PRAG1: variants seen among roughly 807,000 people sequenced by gnomAD.
PRAG1 encodes the protein inactive tyrosine-protein kinase PRAG1.
Under a neutral mutation model 95.6 loss-of-function variants are expected in PRAG1, and 110 were observed. That is an observed-to-expected ratio of 1.15 (90% CI 0.99 to 1.35). The LOEUF is 1.35. Ranked by LOEUF, PRAG1 falls within the 40% of genes most tolerant of loss-of-function variation. PRAG1 has a pLI of 0.00. For synonymous variants in PRAG1, 1,052 were observed against 819.4 expected (o/e 1.28, Z -4.85); for missense variants, 2,554 against 1,864.7 (o/e 1.37, Z -6.81).
Position 8,377,762 on chromosome 8 carries a change from C to G in PRAG1, c.647G>C (p.Gly216Ala), listed in dbSNP as rs376006156. 3.3e-5 allele frequency: 54 copies of G among 1,613,990 alleles called. No homozygotes were observed. The highest frequency in any genetic ancestry group is 4.5e-5 in the Non-Finnish European group (53 of 1,180,040). ...SFRQKLAAFA[G>A]TTSGCHQGPG... ...GCCCTGGTGACAGCCAGATGTGGTC[C>G]CAGCAAAGGCAGCCAGTTTCTGGCG... The change falls in exon 3 of 6, where the codon GGG becomes GCG. Residue 216 changes from glycine (G) to alanine (A), a missense_variant. Transcript: ENST00000615670.
intron 3 of PRAG1, among the ~76,000 whole-genome samples, chr8:8,372,631 C>A (rs1800247322): frequency 6.6e-6 from 1 of 152,214 alleles, no homozygotes; most frequent in African/African-American, 2.4e-5. Context: ...ATAAAATGAG[C>A]ATGGAGAGCC....
At chr8:8,369,215 A>C (rs768015704) in intron 3 of PRAG1, among the ~76,000 whole-genome samples, 2 of 151,500 alleles carry the variant, frequency 1.3e-5, no homozygotes, top group Non-Finnish European at 2.9e-5. Context: ...AAGAAAATTC[A>C]GTAATTCTCC....
At chr8:8,328,771 C>CGT (rs1212394735) in intron 4 of PRAG1, among the ~76,000 whole-genome samples, 1 of 150,214 alleles carries the variant, frequency 6.7e-6, no homozygotes, top group African/African-American at 2.5e-5. Flanking sequence ...TGCCTGCACG[C>CGT]GTGCGCACAC....
rs1226586366 is a variant in PRAG1 at position 8,318,650 on chromosome 8, T to C, written c.3725A>G (p.Glu1242Gly). ...QKKSQARLAP[E>G]IVSASQYRKF... ...GCGGTACTGGGAAGCAGACACGATC[T>C]CGGGGGCCAGCCGGGCCTGGCTCTT... Residue 1242 changes from glutamate (E) to glycine (G), a missense_variant, in exon 6 of 6, where the codon GAG (glutamate) becomes GGG (glycine). Transcript: ENST00000615670. The surrounding 1 kb of genome is among the most constrained non-coding windows in gnomAD (Gnocchi z 4.2). The C allele has an allele frequency of 1.2e-6, 2 of 1,611,936 alleles. No individual in the cohort carries two copies. The highest frequency in any genetic ancestry group is 1.3e-5 in the African/African-American group (1 of 74,746).
intron 3 of PRAG1, among the ~76,000 whole-genome samples, chr8:8,341,200 A>G (rs1403775247): frequency 2.0e-5 from 3 of 152,126 alleles, no homozygotes; most frequent in Admixed American, 6.5e-5. Context: ...TAAGGGAGAA[A>G]CTACAGCACC....
chr8:8,323,365 C>T (rs1465417166), intron 5 of PRAG1, among the ~76,000 whole-genome samples: 2 of 148,084 alleles, frequency 1.4e-5, no homozygotes, highest in African/African-American at 5.0e-5. Context: ...GTTGCCCAGG[C>T]TGGAGTGCAG....
intron 5 of PRAG1, among the ~76,000 whole-genome samples, chr8:8,325,223 C>T (rs1175066873): frequency 6.6e-6 from 1 of 152,208 alleles, no homozygotes; most frequent in African/African-American, 2.4e-5. Context: ...TCCAGGGCCC[C>T]CACGGCCCGC....
rs376134531 is a variant in PRAG1, at chr8:8,318,956, C to G, written c.3419G>C (p.Gly1140Ala). The change falls in exon 6 of 6, where the codon GGG becomes GCG. Residue 1140 changes from glycine to alanine, a missense_variant. Physicochemically the swap from Gly to Ala is moderately conservative, Grantham distance 60. Transcript: ENST00000615670. The surrounding 1 kb of genome is among the most constrained non-coding windows in gnomAD (Gnocchi z 4.2). Reference sequence around the variant, plus strand: ...CAGGCACAGGTCCCGGTGGATGATCCCGTGCTCCTTCAGGTGCTCCAGCCC... The same window carrying G: ...CAGGCACAGGTCCCGGTGGATGATCGCGTGCTCCTTCAGGTGCTCCAGCCC... ...CNGLEHLKEH[G>A]IIHRDLCLEN... is the part of the protein sequence containing the mutation. 13 of 1,613,014 alleles carry G rather than the reference C, an allele frequency of 8.1e-6. No individual in the cohort carries two copies. The highest frequency in any genetic ancestry group is 1.1e-5 in the Non-Finnish European group (13 of 1,179,670).
chr8:8,327,433 C>T (rs1304901949), intron 5 of PRAG1, among the ~76,000 whole-genome samples: 1 of 152,048 alleles, frequency 6.6e-6, no homozygotes, highest in Non-Finnish European at 1.5e-5. Context: ...AGCTGGGTAC[C>T]GTGGTGCACA....
At chr8:8,379,768 C>T (rs143356382) in intron 2 of PRAG1, among the ~76,000 whole-genome samples, 1 of 152,312 alleles carries the variant, frequency 6.6e-6, no homozygotes, top group Non-Finnish European at 1.5e-5. Flanking sequence ...CCAGCAGACC[C>T]GGGCTATGTG....
In PRAG1 at chr8:8,323,866, G is replaced by T. The variant is rs185856760; in HGVS notation, c.3072+3844C>A. On this transcript the variant is annotated intron_variant, in intron 5 of 5. Coordinates refer to ENST00000615670, the MANE Select transcript of PRAG1 (RefSeq NM_001080826.3). ...CCCTTACACGTATCCAGAAATCACT[G>T]GAAAGCGCTTCGAGTATTGATTTTG... Among the ~76,000 whole-genome samples the T allele has an allele frequency of 3.9e-5, 6 of 152,246 alleles. No homozygotes were observed. In the East Asian group the frequency reaches 1.2e-3, roughly 29 times the overall value.
chr8:8,329,588 G>A (rs1348078193), intron 4 of PRAG1, among the ~76,000 whole-genome samples: 2 of 152,116 alleles, frequency 1.3e-5, no homozygotes, highest in African/African-American at 4.8e-5. Context: ...AGGGGTAGAA[G>A]GCCCCAAAGG....
intron 1 of PRAG1, 68 bp from the exon 2 acceptor site, chr8:8,381,902 G>C (rs1308851072): frequency 5.1e-6 from 3 of 592,676 alleles, no homozygotes; most frequent in African/African-American, 3.7e-5. Flanking sequence ...TTATCAATTA[G>C]AGTCTCACTA....
At chr8:8,320,576 G>A (rs1423099676) in intron 5 of PRAG1, among the ~76,000 whole-genome samples, 1 of 152,150 alleles carries the variant, frequency 6.6e-6, no homozygotes, top group Non-Finnish European at 1.5e-5. Context: ...TCTCTCAAAT[G>A]AATATTATGC....
At chr8:8,363,266 T>C (rs143958912) in intron 3 of PRAG1, among the ~76,000 whole-genome samples, 1 of 152,264 alleles carries the variant, frequency 6.6e-6, no homozygotes, top group African/African-American at 2.4e-5. Context: ...TTTTTAATTT[T>C]CACAACTTTG....
Position 8,339,649 on chromosome 8 carries a change from G to A in PRAG1, c.2163-14C>T, listed in dbSNP as rs75724544. 1.2e-6 allele frequency: 2 copies of A among 1,604,794 alleles called. No individual in the cohort carries two copies. The highest frequency in any genetic ancestry group is 1.7e-6 in the Non-Finnish European group (2 of 1,172,388). ...TTTAGAAGGTGCCTGGAAAAGGTAG[G>A]AACAAACAATACAAATAACTCATTG... On this transcript the variant is annotated splice_polypyrimidine_tract_variant and intron_variant, in intron 3 of 5. Coordinates refer to ENST00000615670, the MANE Select transcript of PRAG1 (RefSeq NM_001080826.3).
rs749345117 is a variant in PRAG1 at position 8,377,708 on chromosome 8, G to T, written c.701C>A (p.Ser234Ter). ...GPGPLRESLP[S>*]EDDSDQRCSP... ...GCACCTTTGATCACTGTCATCCTCC[G>T]AGGGCAGGGATTCCCGCAGGGGCCC... Residue 234 changes from serine (S) to a stop codon, truncating the protein, a stop_gained, in exon 3 of 6, where the codon TCG becomes TAG. Coordinates refer to ENST00000615670, the MANE Select transcript of PRAG1 (RefSeq NM_001080826.3). LOFTEE classifies it high-confidence loss of function. The T allele has an allele frequency of 6.2e-7, 1 of 1,613,748 alleles. No homozygotes were observed. Among genetic ancestry groups the T allele is most frequent in the Non-Finnish European group, 8.5e-7 (1 of 1,179,980 alleles).
At chr8:8,374,928 A>G (rs1800328783) in intron 3 of PRAG1, among the ~76,000 whole-genome samples, 1 of 152,140 alleles carries the variant, frequency 6.6e-6, no homozygotes, top group South Asian at 2.1e-4. Context: ...GAACCACTTG[A>G]AATGACATGA....
intron 2 of PRAG1, among the ~76,000 whole-genome samples, chr8:8,378,758 G>T (rs1260744353): frequency 6.6e-6 from 1 of 152,114 alleles, no homozygotes; most frequent in African/African-American, 2.4e-5. Flanking sequence ...CTACTTGGGA[G>T]GTTGAGGTGG....
Sources: gnomAD v4.1 joint callset for allele counts (sites outside exome capture counted in the v4.1 genomes callset) on GRCh38, gnomAD v4.1.1 for gene constraint, Gnocchi (gnomAD v3.1) non-coding constraint, MANE v1.5 for transcripts, NCBI Gene and HGNC (gene_info 2026-07-23, HGNC 2026-07-21) for gene names.